Variants in SLC17A3 observed in about 807,000 individuals in gnomAD.
SLC17A3 encodes the protein sodium-dependent phosphate transport protein 4.
SLC17A3 carries 61 observed loss-of-function variants against 60.3 expected under a neutral mutation model. The ratio of observed to expected loss-of-function variants is 1.01; its 90% CI spans 0.82 to 1.25. The LOEUF is 1.25. Among genes scored for constraint, SLC17A3 ranks in the 50% most tolerant of loss-of-function variants. The pLI is 0.00. For synonymous variants in SLC17A3, 192 were observed against 208.9 expected, an observed-to-expected ratio of 0.92 and a Z score of 0.70; for missense variants, 624 against 594.9, an observed-to-expected ratio of 1.05 and a Z score of -0.51.
Position 25,850,849 on chromosome 6 carries a change from G to A in SLC17A3, c.741C>T (p.Leu247=), listed in dbSNP as rs748562875. 6.2e-7 allele frequency: 1 copy of A among 1,614,082 alleles called. No individual in the cohort carries two copies. Among genetic ancestry groups the A allele is most frequent in the South Asian group, 1.1e-5 (1 of 91,086 alleles). ...GGTCATCATAAATCACAACAAACCAGAGAAGGCAGCAGACACAGCCAACAC... is the reference window on the plus strand; with the variant it reads ...GGTCATCATAAATCACAACAAACCAAAGAAGGCAGCAGACACAGCCAACAC... ...FGGVGCVCCL[L]WFVVIYDDPV... The change falls in exon 7 of 13, where the codon CTC becomes CTT. Residue 247 remains leucine (L), a synonymous_variant. Coordinates refer to ENST00000397060, the MANE Select transcript of SLC17A3 (RefSeq NM_001098486.2).
chr6:25,846,106 T>A (rs967328764), intron 11 of SLC17A3, among the ~76,000 whole-genome samples: 6 of 152,180 alleles, frequency 3.9e-5, no homozygotes, highest in African/African-American at 7.2e-5. Context: ...CAAATGAAAA[T>A]TTTTAATGTA....
intron 1 of SLC17A3, 141 bp downstream of exon 1, chr6:25,874,026 T>G (rs1180280663): frequency 6.6e-6 from 1 of 152,174 alleles, no homozygotes; most frequent in Non-Finnish European, 1.5e-5. Flanking sequence ...GTCAGTCTTG[T>G]TAATATGGAT....
At chr6:25,870,696 C>A (rs1321133029) in intron 1 of SLC17A3, among the ~76,000 whole-genome samples, 2 of 151,990 alleles carry the variant, frequency 1.3e-5, no homozygotes, top group Non-Finnish European at 2.9e-5. Context: ...TTAGTGAGAA[C>A]CTGATAGTTG....
chr6:25,862,829 T>C (rs1273625500), intron 2 of SLC17A3, among the ~76,000 whole-genome samples: 1 of 151,730 alleles, frequency 6.6e-6, no homozygotes, highest in Non-Finnish European at 1.5e-5. Context: ...TGCACATATT[T>C]AAATAGCTAC....
In SLC17A3 at chr6:25,850,858, GCAGACACAGCCAA is replaced by G. The variant is rs772913991; in HGVS notation, c.719_731del (p.Val240AlafsTer8). 6.2e-7 allele frequency: 1 copy of G among 1,614,040 alleles called. No individual in the cohort carries two copies. Among genetic ancestry groups the G allele is most frequent in the South Asian group, 1.1e-5 (1 of 91,074 alleles). On this transcript the variant is annotated frameshift_variant, in exon 7 of 13. Transcript: ENST00000397060. LOFTEE classifies it high-confidence loss of function. ...AAATCACAACAAACCAGAGAAGGCAGCAGACACAGCCAACACCTCCTGTAAGCACAGGGTAAAT... is the reference window on the plus strand; with the variant it reads ...AAATCACAACAAACCAGAGAAGGCAGCACCTCCTGTAAGCACAGGGTAAAT...
intron 5 of SLC17A3, among the ~76,000 whole-genome samples, chr6:25,856,583 C>T (rs557293661): frequency 6.4e-4 from 98 of 152,284 alleles, no homozygotes; most frequent in African/African-American, 1.3e-3. Context: ...CGCAGTGGCT[C>T]ATGCTTGTAA....
rs755144743 is a variant in SLC17A3 at position 25,861,996 on chromosome 6, C to A, written c.337G>T (p.Gly113Cys). The part of the protein sequence containing the change: ...PVYDWSPQIQ[G>C]IIFGAVGYGG... ...TAGCCAACAGCACCAAAGATGATGC[C>A]TTGGATTTGAGGAGACCAGTCATAC... Residue 113 changes from glycine (G) to cysteine (C), a missense_variant, in exon 4 of 13, where the codon GGC becomes TGC. Gly to Cys is a radical substitution (Grantham distance 159). Transcript: ENST00000397060. The A allele has an allele frequency of 6.8e-6, 11 of 1,609,868 alleles. No homozygotes were observed. The highest frequency in any genetic ancestry group is 1.1e-5 in the South Asian group (1 of 90,054).
Position 25,845,202 on chromosome 6 carries a change from A to AG in SLC17A3, c.*98dup. On this transcript the variant is annotated 3_prime_UTR_variant, in exon 13 of 13. Transcript: ENST00000397060. Reference sequence around the variant, plus strand: ...TGATCTCATAATTGAAAAGAGCCACAGGAAAAAAAAAATCTTTTCACTGGT... The same window carrying AG: ...TGATCTCATAATTGAAAAGAGCCACAGGGAAAAAAAAAATCTTTTCACTGGT... 1.8e-6 allele frequency: 1 copy of AG among 564,276 alleles called. No homozygotes were observed. The highest frequency in any genetic ancestry group is 4.5e-5 in the African/African-American group (1 of 22,454). The allele number at this position is 564,276 out of a possible 1,614,324, so 35.0% of individuals were successfully genotyped here.
chr6:25,869,942 G>A (rs985354736), intron 1 of SLC17A3, among the ~76,000 whole-genome samples: 4 of 151,912 alleles, frequency 2.6e-5, no homozygotes, highest in African/African-American at 9.7e-5. Flanking sequence ...CATATTAATA[G>A]TTCATTCCTT....
intron 11 of SLC17A3, among the ~76,000 whole-genome samples, chr6:25,847,712 T>A (rs1420229462): frequency 2.6e-5 from 4 of 151,998 alleles, no homozygotes; most frequent in African/African-American, 7.2e-5. Flanking sequence ...TGTTTTCTTT[T>A]AAAAATTTTT....
chr6:25,850,227 C>A lies in SLC17A3; in HGVS notation c.994-50G>T, dbSNP rs763773231. 1.9e-6 allele frequency: 3 copies of A among 1,577,576 alleles called. No individual in the cohort carries two copies. The East Asian group carries it at 6.9e-5, about 36-fold the overall frequency. ...TACCATAATAAAGGCAGTGAGACCA[C>A]AACTTTTGTTGATAAATTACTACTA... is the stretch of plus-strand genomic sequence containing the variant. On this transcript the variant is annotated intron_variant, in intron 8 of 12. Coordinates refer to ENST00000397060, the MANE Select transcript of SLC17A3 (RefSeq NM_001098486.2).
intron 11 of SLC17A3, among the ~76,000 whole-genome samples, chr6:25,846,137 G>A (rs1469547861): frequency 6.6e-6 from 1 of 151,324 alleles, no homozygotes; most frequent in Non-Finnish European, 1.5e-5. Flanking sequence ...CAATTTTCTA[G>A]AAATTTTGTT....
At chr6:25,850,652 A>G (rs1253566485) in intron 7 of SLC17A3, 32 bp from the exon 8 acceptor site, 5 of 1,613,518 alleles carry the variant, frequency 3.1e-6, no homozygotes, top group Non-Finnish European at 3.4e-6. Context: ...ATAACGGTAA[A>G]TCCGACAGAT....
chr6:25,862,023 C>T lies in SLC17A3; in HGVS notation c.310G>A (p.Val104Met), dbSNP rs747550255. The part of the protein sequence containing the change: ...APKSLPAKAP[V>M]YDWSPQIQGI... ...TGGATTTGAGGAGACCAGTCATACA[C>T]AGGAGCCTTAGAGAAACAGAGAATG... is the stretch of plus-strand genomic sequence containing the variant. Residue 104 changes from valine to methionine, a missense_variant, in exon 4 of 13, where the codon GTG becomes ATG. By Grantham distance (21) the Val-to-Met change is conservative (BLOSUM62 1). Transcript: ENST00000397060. 8.7e-6 allele frequency: 14 copies of T among 1,602,180 alleles called. No individual in the cohort carries two copies. The highest frequency in any genetic ancestry group is 5.2e-5 in the Admixed American group (3 of 58,210).
intron 1 of SLC17A3, among the ~76,000 whole-genome samples, chr6:25,870,667 A>G (rs1354851561): frequency 1.3e-5 from 2 of 151,932 alleles, no homozygotes; most frequent in Non-Finnish European, 2.9e-5. Context: ...ATCATCAACC[A>G]CTGGCAAGGA....
intron 1 of SLC17A3, among the ~76,000 whole-genome samples, chr6:25,870,424 C>A (rs1765622476): frequency 6.6e-6 from 1 of 152,008 alleles, no homozygotes; most frequent in Non-Finnish European, 1.5e-5. Flanking sequence ...CACTCCCCTG[C>A]TCCTTTATGA....
At chr6:25,846,152 TA>T (rs376845114) in intron 11 of SLC17A3, among the ~76,000 whole-genome samples, 53 of 152,270 alleles carry the variant, frequency 3.5e-4, no homozygotes, top group African/African-American at 6.3e-4. Flanking sequence ...TTTGTTTTTT[TA>T]AATCAATTAA....
chr6:25,868,676 A>T (rs554907740), intron 1 of SLC17A3, among the ~76,000 whole-genome samples: 1 of 151,902 alleles, frequency 6.6e-6, no homozygotes, highest in Non-Finnish European at 1.5e-5. Flanking sequence ...AGCATTCCCA[A>T]GTTCAAACTC....
chr6:25,855,217 T>A lies in SLC17A3; in HGVS notation c.639A>T (p.Gly213=), dbSNP rs540662111. The change falls in exon 6 of 13, where the codon GGA becomes GGT. Residue 213 remains glycine (G), a synonymous_variant. Coordinates refer to ENST00000397060, the MANE Select transcript of SLC17A3 (RefSeq NM_001098486.2). The part of the protein sequence containing the change: ...CSIALSGMLL[G]CFTAILIGGF... The stretch of plus-strand genomic sequence containing the variant: ...CACCTATGAGGATGGCAGTAAAGCA[T>A]CCCAGTAACATTCCTGCAAAGAGAG... The A allele has an allele frequency of 6.2e-7, 1 of 1,613,078 alleles. No homozygotes were observed. The highest frequency in any genetic ancestry group is 2.2e-5 in the East Asian group (1 of 44,846).
Sources: gnomAD v4.1 joint callset for allele counts (sites outside exome capture counted in the v4.1 genomes callset) on GRCh38, gnomAD v4.1.1 for gene constraint, MANE v1.5 for transcripts, NCBI Gene and HGNC (gene_info 2026-07-23, HGNC 2026-07-21) for gene names.